The following FAT4 variants were observed in gnomAD, a reference collection of about 807,000 sequenced individuals.
FAT4 encodes FAT atypical cadherin 4.
FAT4 carries 84 observed loss-of-function variants against 303.9 expected under a neutral mutation model. The ratio of observed to expected loss-of-function variants is 0.28; its 90% CI spans 0.23 to 0.33. FAT4 has a LOEUF of 0.33. FAT4 is among the 10% of genes least tolerant of loss of function. The pLI is 1.00. For synonymous variants in FAT4, 2,307 were observed against 2,298.8 expected (o/e 1.00, Z -0.10); for missense variants, 6,005 against 6,146.8 (o/e 0.98, Z 0.77).
intron 7 of FAT4, among the ~76,000 whole-genome samples, chr4:125,417,604 G>A (rs1009402417): frequency 7.2e-5 from 11 of 152,130 alleles, no homozygotes; most frequent in Non-Finnish European, 1.5e-4. Flanking sequence ...TATGGAGGGT[G>A]AGCAATCAGA....
At chr4:125,481,836 C>T (rs938364828) in intron 16 of FAT4, 98 bp downstream of exon 16, 2 of 1,040,624 alleles carry the variant, frequency 1.9e-6, no homozygotes, top group Non-Finnish European at 2.9e-6. Flanking sequence ...TTCTTTACAA[C>T]CCATTAGAGT....
At chr4:125,478,808 G>T (rs1314782251) in intron 14 of FAT4, among the ~76,000 whole-genome samples, 1 of 152,078 alleles carries the variant, frequency 6.6e-6, no homozygotes, top group Non-Finnish European at 1.5e-5. Context: ...GATTATAGAG[G>T]AGAGCCACTG....
intron 2 of FAT4, among the ~76,000 whole-genome samples, chr4:125,358,698 C>T (rs1160332028): frequency 3.9e-5 from 6 of 152,230 alleles, no homozygotes; most frequent in Admixed American, 6.5e-5. Flanking sequence ...CACCGCTCAC[C>T]TCCTGCTGTG....
chr4:125,433,241 A>G (rs1725341130), intron 7 of FAT4, among the ~76,000 whole-genome samples: 1 of 152,224 alleles, frequency 6.6e-6, no homozygotes, highest in Admixed American at 6.5e-5. Flanking sequence ...TTATTTACAG[A>G]ATATTGAATG....
Position 125,414,934 on chromosome 4 carries a change from C to G in FAT4, c.5971C>G (p.Gln1991Glu). ...YSIASGDSLG[Q>E]FTVDKNGVLK... is the part of the protein sequence containing the mutation. Reference sequence around the variant, plus strand: ...CATTGCTTCAGGTGATAGCCTTGGGCAGTTTACTGTTGACAAGAATGGTGT... The same window carrying G: ...CATTGCTTCAGGTGATAGCCTTGGGGAGTTTACTGTTGACAAGAATGGTGT... Residue 1991 changes from glutamine to glutamate, a missense_variant, in exon 6 of 18, where the codon CAG becomes GAG. Coordinates refer to ENST00000394329, the MANE Select transcript of FAT4 (RefSeq NM_001291303.3). 1 of 1,613,062 alleles carries G rather than the reference C, an allele frequency of 6.2e-7. No homozygotes were observed. The highest frequency in any genetic ancestry group is 8.5e-7 in the Non-Finnish European group (1 of 1,179,232).
chr4:125,353,200 C>A (rs1486021479), intron 2 of FAT4, among the ~76,000 whole-genome samples: 1 of 151,640 alleles, frequency 6.6e-6, no homozygotes, highest in Non-Finnish European at 1.5e-5. Context: ...GTCAGAATGA[C>A]TTCTTCATTC....
chr4:125,375,629 G>T (rs1266369851), intron 2 of FAT4, among the ~76,000 whole-genome samples: 1 of 152,158 alleles, frequency 6.6e-6, no homozygotes, highest in Non-Finnish European at 1.5e-5. Flanking sequence ...CTCTGGCCTA[G>T]TTCAGTAATT....
intron 13 of FAT4, among the ~76,000 whole-genome samples, chr4:125,476,762 C>A (rs1002991723): frequency 7.2e-5 from 11 of 152,106 alleles, no homozygotes; most frequent in African/African-American, 2.7e-4. Context: ...TTATTGGCAT[C>A]CCTTGCATTG....
intron 3 of FAT4, among the ~76,000 whole-genome samples, chr4:125,405,457 T>C (rs1734558547): frequency 6.6e-6 from 1 of 152,074 alleles, no homozygotes; most frequent in Admixed American, 6.6e-5. Flanking sequence ...TCATTGTGGT[T>C]TTGATTTGCA....
rs937225969 is a variant in FAT4 at position 125,347,041 on chromosome 4, A to G, written c.5175+25455A>G. On this transcript the variant is annotated intron_variant, in intron 2 of 17. Coordinates refer to ENST00000394329, the MANE Select transcript of FAT4 (RefSeq NM_001291303.3). ...GGAATGGGAGCATTTACACTTCTTG[A>G]AAGAAATCAGGTGAGAGCTATTAAT... is the stretch of plus-strand genomic sequence containing the variant. 2.6e-5 allele frequency among the ~76,000 whole-genome samples: 4 copies of G among 151,978 alleles called. 1 individual carries two copies. The highest frequency in any genetic ancestry group is 6.3e-3 in the Middle Eastern group (2 of 316).
rs1382142022 is a variant in FAT4 at position 125,316,169 on chromosome 4, C to T, written c.-13+192C>T. Among the ~76,000 whole-genome samples, 1 of 152,076 alleles carries T rather than the reference C, an allele frequency of 6.6e-6. No homozygotes were observed. Among genetic ancestry groups the T allele is most frequent in the Non-Finnish European group, 1.5e-5 (1 of 68,014 alleles). ...TGGGAACTCAGCTCACAGGAGTGTC[C>T]CGCGGAATGCCCTGCCGCTTTTCGC... On this transcript the variant is annotated intron_variant, in intron 1 of 17. Transcript: ENST00000394329. This position sits in a 1 kb window ranked among gnomAD's most constrained non-coding sequence, Gnocchi z 5.7.
intron 2 of FAT4, among the ~76,000 whole-genome samples, chr4:125,354,909 T>G (rs560168392): frequency 3.3e-5 from 5 of 151,912 alleles, no homozygotes; most frequent in African/African-American, 9.6e-5. Flanking sequence ...CTTTCTGAAT[T>G]TTAAGATTCA....
chr4:125,386,425 A>G (rs1365771124), intron 2 of FAT4, among the ~76,000 whole-genome samples: 1 of 151,928 alleles, frequency 6.6e-6, no homozygotes, highest in Non-Finnish European at 1.5e-5. Context: ...TTACAGGTGC[A>G]CACCTGGCTA....
chr4:125,469,736 A>G (rs1293051482), intron 12 of FAT4, among the ~76,000 whole-genome samples: 1 of 152,172 alleles, frequency 6.6e-6, no homozygotes, highest in East Asian at 1.9e-4. Flanking sequence ...TGTCTACCAC[A>G]TTGGCAATTA....
intron 2 of FAT4, among the ~76,000 whole-genome samples, chr4:125,385,439 C>T (rs574164295): frequency 3.7e-4 from 57 of 152,100 alleles, no homozygotes; most frequent in African/African-American, 1.4e-3. Context: ...TAGTTAATTG[C>T]CTTATTTTAT....
intron 2 of FAT4, among the ~76,000 whole-genome samples, chr4:125,396,295 T>A (rs528330030): frequency 6.6e-6 from 1 of 152,182 alleles, no homozygotes; most frequent in Admixed American, 6.5e-5. Context: ...TGTATCTACA[T>A]ACACATATAA....
At chr4:125,384,241 G>A (rs1415037165) in intron 2 of FAT4, among the ~76,000 whole-genome samples, 1 of 152,160 alleles carries the variant, frequency 6.6e-6, no homozygotes, top group African/African-American at 2.4e-5. Flanking sequence ...TTGAGGAACT[G>A]CCAAAGTATT....
intron 10 of FAT4, among the ~76,000 whole-genome samples, chr4:125,459,732 G>T (rs1338747497): frequency 6.6e-6 from 1 of 152,032 alleles, no homozygotes; most frequent in Non-Finnish European, 1.5e-5. Flanking sequence ...AAGGCGTTTG[G>T]CAAGTATTGT....
chr4:125,462,207 C>T (rs17009713), intron 10 of FAT4, among the ~76,000 whole-genome samples: 3,785 of 151,846 alleles, frequency 0.025, 164 homozygotes, highest in African/African-American at 0.088. Flanking sequence ...AGTGTGGCTC[C>T]GTAATCAAGC....
Sources: gnomAD v4.1 joint callset for allele counts (sites outside exome capture counted in the v4.1 genomes callset) on GRCh38, gnomAD v4.1.1 for gene constraint, Gnocchi (gnomAD v3.1) non-coding constraint, MANE v1.5 for transcripts, NCBI Gene and HGNC (gene_info 2026-07-23, HGNC 2026-07-21) for gene names.